FANK1: variants seen among roughly 807,000 people sequenced by gnomAD.
FANK1 encodes the protein fibronectin type 3 and ankyrin repeat domains protein 1.
In FANK1, 44 loss-of-function variants were observed where a neutral mutation model predicts 45.3. That is an observed-to-expected ratio of 0.97 (90% CI 0.76 to 1.25). The LOEUF (loss-of-function observed/expected upper bound fraction) is 1.25. Ranked by LOEUF, FANK1 falls within the 50% of genes most tolerant of loss-of-function variation. The pLI, the probability that FANK1 is intolerant of heterozygous loss-of-function variation, is 0.00. For synonymous variants in FANK1, 149 were observed against 152.5 expected, an observed-to-expected ratio of 0.98 and a Z score of 0.17; for missense variants, 391 against 424.4, an observed-to-expected ratio of 0.92 and a Z score of 0.69.
At chr10:125,920,659 G>C (rs1589859402) in intron 1 of FANK1, among the ~76,000 whole-genome samples, 1 of 152,188 alleles carries the variant, frequency 6.6e-6, no homozygotes, top group Non-Finnish European at 1.5e-5. Flanking sequence ...TGTAGCTGCT[G>C]TTGACCCAGA....
At chr10:125,979,879 T>C in intron 1 of FANK1, 1 of 543,020 alleles carries the variant, frequency 1.8e-6, no homozygotes, top group South Asian at 1.5e-5. Flanking sequence ...CTTATTAGTT[T>C]GATATGTTAA....
intron 7 of FANK1, chr10:126,007,231 T>C (rs1173541534): frequency 1.3e-5 from 2 of 152,214 alleles, no homozygotes; most frequent in African/African-American, 4.8e-5. Context: ...GACTGACTTA[T>C]TCATTTGTGC....
At chr10:125,976,156 C>T (rs913921468) in intron 1 of FANK1, among the ~76,000 whole-genome samples, 3 of 150,920 alleles carry the variant, frequency 2.0e-5, no homozygotes, top group African/African-American at 7.3e-5. Flanking sequence ...GAATATAGGC[C>T]TCTAATCTCT....
At chr10:125,954,750 C>T (rs756778340) in intron 1 of FANK1, among the ~76,000 whole-genome samples, 5 of 151,880 alleles carry the variant, frequency 3.3e-5, no homozygotes, top group Non-Finnish European at 7.4e-5. Flanking sequence ...TGAAACCCTG[C>T]CTCTACTAAA....
chr10:125,955,652 T>C (rs1210557231), intron 1 of FANK1, among the ~76,000 whole-genome samples: 2 of 152,244 alleles, frequency 1.3e-5, no homozygotes, highest in South Asian at 2.1e-4. Flanking sequence ...AGCTAACTTT[T>C]GTCGCAGCAG....
intron 1 of FANK1, among the ~76,000 whole-genome samples, chr10:125,975,630 A>G (rs750359919): frequency 2.3e-4 from 35 of 152,120 alleles, no homozygotes; most frequent in Non-Finnish European, 4.3e-4. Context: ...CTTTTGCTCA[A>G]TTTTTAATGG....
intron 1 of FANK1, among the ~76,000 whole-genome samples, chr10:125,936,991 C>T (rs1345507756): frequency 1.3e-5 from 2 of 151,972 alleles, no homozygotes; most frequent in Non-Finnish European, 2.9e-5. Flanking sequence ...CGCTTGAACC[C>T]GGATGGCGGA....
intron 1 of FANK1, among the ~76,000 whole-genome samples, chr10:125,901,776 C>T (rs1945056698): frequency 6.6e-6 from 1 of 152,212 alleles, no homozygotes; most frequent in South Asian, 2.1e-4. Context: ...TATTCTATCT[C>T]TGCGCTTTTC....
At chr10:125,979,368 T>C (rs1396123366) in intron 1 of FANK1, among the ~76,000 whole-genome samples, 1 of 152,218 alleles carries the variant, frequency 6.6e-6, no homozygotes, top group Non-Finnish European at 1.5e-5. Context: ...ATTTATGCTC[T>C]GATTTCTGCA....
intron 1 of FANK1, among the ~76,000 whole-genome samples, chr10:125,960,749 A>T (rs1042024206): frequency 1.3e-5 from 2 of 152,130 alleles, no homozygotes; most frequent in African/African-American, 2.4e-5. Flanking sequence ...GTTAGCCAGG[A>T]TGGTCTCGAT....
intron 1 of FANK1, among the ~76,000 whole-genome samples, chr10:125,897,326 C>T (rs1425251681): frequency 6.6e-6 from 1 of 152,304 alleles, no homozygotes; most frequent in East Asian, 1.9e-4. Flanking sequence ...AACACGAGCT[C>T]TAACTTACTA....
rs559172954 is a variant in FANK1, at chr10:125,970,177, C to T, written c.14-9984C>T. ...ACGGGGTGGCGGCCGGGCAGAGGGG[C>T]TTCTCACTTCCCAGACGTGGTGGCT... On this transcript the variant is annotated intron_variant, in intron 1 of 10. Coordinates refer to ENST00000368693, the MANE Select transcript of FANK1 (RefSeq NM_145235.5). Among the ~76,000 whole-genome samples the T allele has an allele frequency of 5.3e-5, 8 of 152,186 alleles. No homozygotes were observed. The South Asian group carries it at 8.3e-4, about 16-fold the overall frequency.
At chr10:125,909,151 C>T (rs1293328763) in intron 1 of FANK1, among the ~76,000 whole-genome samples, 1 of 152,216 alleles carries the variant, frequency 6.6e-6, no homozygotes, top group Non-Finnish European at 1.5e-5. Flanking sequence ...ATGGTAGCTA[C>T]TTTCACCCAG....
At chr10:125,994,218 TGG>T (rs1484267330) in intron 3 of FANK1, among the ~76,000 whole-genome samples, 1 of 150,112 alleles carries the variant, frequency 6.7e-6, no homozygotes, top group Non-Finnish European at 1.5e-5. Context: ...TAGGGTGCAG[TGG>T]GGGAGGATGG....
intron 1 of FANK1, among the ~76,000 whole-genome samples, chr10:125,977,344 G>C (rs1001435042): frequency 2.6e-5 from 4 of 152,126 alleles, no homozygotes; most frequent in South Asian, 2.1e-4. Context: ...GGTTTCAGAG[G>C]GGGGTATGTT....
chr10:126,005,571 G>T (rs1953134927), intron 7 of FANK1, among the ~76,000 whole-genome samples: 1 of 152,110 alleles, frequency 6.6e-6, no homozygotes, highest in African/African-American at 2.4e-5. Context: ...GCCTCCCAAA[G>T]TGCTGGGATT....
At position 125,897,998 on chromosome 10, in the gene FANK1, C is replaced by CAAAAAAAAAAAAAAAA. The variant is rs373550249; in HGVS notation, c.13+1364_13+1379dup. Among the ~76,000 whole-genome samples, 3 of 16,796 alleles carry CAAAAAAAAAAAAAAAA rather than the reference C, an allele frequency of 1.8e-4. 1 individual carries two copies. Among genetic ancestry groups the CAAAAAAAAAAAAAAAA allele is most frequent in the African/African-American group, 7.2e-4 (3 of 4,138 alleles). 11.0% of individuals were successfully genotyped at this position (16,796 alleles called of 152,430 possible). ...AGTGAAACCCATCTCTACTAAAATA[C>CAAAAAAAAAAAAAAAA]AAAAAAAAAAAAAAAAAAAAAAAAA... On this transcript the variant is annotated intron_variant, in intron 1 of 10. Transcript: ENST00000368693.
At chr10:125,994,723 C>T in intron 3 of FANK1, 1 of 985,334 alleles carries the variant, frequency 1.0e-6, no homozygotes, top group Non-Finnish European at 1.2e-6. Context: ...CTTTATTCTC[C>T]CTCTGCTTGT....
intron 1 of FANK1, among the ~76,000 whole-genome samples, chr10:125,912,586 C>G (rs1946116496): frequency 6.6e-6 from 1 of 152,082 alleles, no homozygotes; most frequent in African/African-American, 2.4e-5. Flanking sequence ...AATTTACACC[C>G]TTGGTTAAAA....
Sources: allele counts gnomAD v4.1 joint callset (sites outside exome capture counted in the v4.1 genomes callset), GRCh38; gene constraint gnomAD v4.1.1; transcripts MANE v1.5; gene names NCBI Gene and HGNC (gene_info 2026-07-23, HGNC 2026-07-21).